The following RTTN variants were observed in gnomAD, a reference collection of about 807,000 sequenced individuals.
The protein encoded by RTTN is rotatin.
RTTN carries 182 observed loss-of-function variants against 269.2 expected under a neutral mutation model. The ratio of observed to expected loss-of-function variants is 0.68; its 90% CI spans 0.60 to 0.76. RTTN has a LOEUF of 0.76. RTTN is among the 30% of genes least tolerant of loss of function. RTTN has a pLI of 0.00. For missense variants in RTTN, 2,545 were observed against 2,608.6 expected, an observed-to-expected ratio of 0.98 and a Z score of 0.53; for synonymous variants, 1,006 against 963.5, an observed-to-expected ratio of 1.04 and a Z score of -0.82.
Position 70,168,920 on chromosome 18 carries a change from G to A in RTTN, c.1624C>T (p.Arg542Ter), listed in dbSNP as rs374356518. ...ATTGAATAAACGGCCTCTGCAGTTCGTTTATAAATACTGTAGTTTTCAGAA... is the reference window on the plus strand; with the variant it reads ...ATTGAATAAACGGCCTCTGCAGTTCATTTATAAATACTGTAGTTTTCAGAA... ...LNSENYSIYK[R>*]TAEAVYSIEC... The change falls in exon 12 of 49, where the codon CGA (arginine) becomes TGA (stop). Residue 542 changes from arginine (R) to a stop codon, truncating the protein, a stop_gained. Transcript: ENST00000640769. LOFTEE classifies it high-confidence loss of function. 32 of 1,613,278 alleles carry A rather than the reference G, an allele frequency of 2.0e-5. No homozygotes were observed. Among genetic ancestry groups the A allele is most frequent in the Non-Finnish European group, 2.6e-5 (31 of 1,179,712 alleles).
intron 25 of RTTN, among the ~76,000 whole-genome samples, chr18:70,126,163 T>C (rs1393968873): frequency 6.6e-6 from 1 of 152,098 alleles, no homozygotes; most frequent in Non-Finnish European, 1.5e-5. Context: ...CAATTTGAAA[T>C]ACTCTAAAGG....
intron 14 of RTTN, among the ~76,000 whole-genome samples, chr18:70,162,820 C>G (rs988611125): frequency 6.8e-6 from 1 of 147,974 alleles, no homozygotes; most frequent in Non-Finnish European, 1.5e-5. Flanking sequence ...ACACCAAACC[C>G]CAGCAGCACA....
intron 25 of RTTN, among the ~76,000 whole-genome samples, chr18:70,123,819 T>A (rs908058153): frequency 6.6e-6 from 1 of 152,064 alleles, no homozygotes; most frequent in African/African-American, 2.4e-5. Context: ...CAGGACCCTA[T>A]CAGTTTTGCC....
At position 70,204,435 on chromosome 18, in the gene RTTN, T is replaced by C. The variant is rs562529743; in HGVS notation, c.220-172A>G. 8.5e-5 allele frequency among the ~76,000 whole-genome samples: 13 copies of C among 152,302 alleles called. No homozygotes were observed. The South Asian group carries it at 2.7e-3, about 32-fold the overall frequency. ...CTTCCATGAGGAGCACATACACCTA[T>C]AGAGACATACATCCAACACTTGATA... On this transcript the variant is annotated intron_variant, in intron 2 of 48. Transcript: ENST00000640769.
chr18:70,132,614 G>T (rs1393602265), intron 23 of RTTN, among the ~76,000 whole-genome samples: 1 of 151,654 alleles, frequency 6.6e-6, no homozygotes, highest in African/African-American at 2.4e-5. Flanking sequence ...ATAAAATATG[G>T]CATATCAAAT....
intron 32 of RTTN, among the ~76,000 whole-genome samples, chr18:70,086,308 A>G (rs546165661): frequency 1.3e-5 from 2 of 152,328 alleles, no homozygotes; most frequent in African/African-American, 4.8e-5. Context: ...TTAGAAAATA[A>G]GGATAGTAAC....
chr18:70,063,964 G>GT (rs1307824437), intron 35 of RTTN, among the ~76,000 whole-genome samples: 23 of 76,366 alleles, frequency 3.0e-4, no homozygotes, highest in African/African-American at 3.7e-4. Flanking sequence ...TCTTTTATAT[G>GT]CTTTTTTTTT....
intron 17 of RTTN, 94 bp downstream of exon 17, chr18:70,148,807 T>A: frequency 1.4e-6 from 2 of 1,468,362 alleles, no homozygotes; most frequent in Non-Finnish European, 9.3e-7. Flanking sequence ...TCCTTAAAAA[T>A]TCTTTAGTTT....
intron 32 of RTTN, among the ~76,000 whole-genome samples, chr18:70,085,925 T>C (rs79713840): frequency 2.6e-5 from 4 of 152,080 alleles, no homozygotes; most frequent in Non-Finnish European, 5.9e-5. Context: ...CCACCACCAT[T>C]ACGCAATATA....
At chr18:70,205,349 C>T (rs1291849682) in intron 1 of RTTN, 34 bp from the exon 2 acceptor site, 3 of 1,610,222 alleles carry the variant, frequency 1.9e-6, no homozygotes, top group Non-Finnish European at 2.5e-6. Flanking sequence ...ATTTTATTTC[C>T]CGACTGCAAA....
At chr18:70,051,262 C>A in intron 39 of RTTN, 149 bp downstream of exon 39, 5 of 899,620 alleles carry the variant, frequency 5.6e-6, no homozygotes, top group Non-Finnish European at 6.2e-6. Flanking sequence ...AAGAACACTG[C>A]AAATTTTTCA....
At chr18:70,140,244 C>T (rs2060223007) in intron 19 of RTTN, 56 bp from the exon 20 acceptor site, 5 of 989,930 alleles carry the variant, frequency 5.1e-6, no homozygotes, top group Middle Eastern at 2.2e-4. Flanking sequence ...GTTTAAAACA[C>T]GTATTTTGAA....
intron 40 of RTTN, among the ~76,000 whole-genome samples, chr18:70,041,679 T>A (rs149368029): frequency 6.6e-6 from 1 of 152,180 alleles, no homozygotes; most frequent in East Asian, 1.9e-4. Context: ...AAATCCCGGA[T>A]GCTTAGTCTC....
At chr18:70,038,262 G>A (rs913140434) in intron 40 of RTTN, among the ~76,000 whole-genome samples, 1 of 152,204 alleles carries the variant, frequency 6.6e-6, no homozygotes, top group African/African-American at 2.4e-5. Flanking sequence ...GGCCTTGAGT[G>A]AACACAGGTA....
At chr18:70,098,896 G>A (rs1244145500) in intron 28 of RTTN, among the ~76,000 whole-genome samples, 2 of 152,084 alleles carry the variant, frequency 1.3e-5, no homozygotes, top group Non-Finnish European at 2.9e-5. Context: ...TGCAGTGTTC[G>A]GTTATCTGTC....
intron 21 of RTTN, 31 bp downstream of exon 21, chr18:70,139,568 T>A (rs757876345): frequency 1.5e-6 from 2 of 1,303,122 alleles, no homozygotes; most frequent in Non-Finnish European, 2.2e-6. Context: ...TTAAGAACAA[T>A]CTAATTATTA....
intron 3 of RTTN, 88 bp downstream of exon 3, chr18:70,203,998 A>ATCCTTTTTAAAATC: frequency 4.7e-6 from 5 of 1,067,582 alleles, no homozygotes; most frequent in Non-Finnish European, 6.7e-6. Flanking sequence ...GGTGGGAGAA[A>ATCCTTTTTAAAATC]TCCTTTTTAA....
chr18:70,081,649 T>C (rs2058571546), intron 32 of RTTN, among the ~76,000 whole-genome samples: 1 of 152,202 alleles, frequency 6.6e-6, no homozygotes, highest in Non-Finnish European at 1.5e-5. Context: ...GCCTGCATTC[T>C]TCAAAAATGT....
At chr18:70,146,777 A>G (rs2060404621) in intron 17 of RTTN, among the ~76,000 whole-genome samples, 1 of 152,196 alleles carries the variant, frequency 6.6e-6, no homozygotes, top group South Asian at 2.1e-4. Context: ...CTACGTTCCC[A>G]CAGCTCATAG....
Sources: gnomAD v4.1 joint callset for allele counts (sites outside exome capture counted in the v4.1 genomes callset) on GRCh38, gnomAD v4.1.1 for gene constraint, MANE v1.5 for transcripts, NCBI Gene and HGNC (gene_info 2026-07-23, HGNC 2026-07-21) for gene names.